NKAIN2: variants seen among roughly 807,000 people sequenced by gnomAD.
The protein encoded by NKAIN2 is sodium/potassium-transporting ATPase subunit beta-1-interacting protein 2.
A neutral mutation model predicts 32.6 loss-of-function variants in NKAIN2; 14 were observed. That is an observed-to-expected ratio of 0.43 (90% CI 0.28 to 0.67). The LOEUF is 0.67. NKAIN2 is among the 30% of genes least tolerant of loss of function. The pLI is 0.17. For missense variants in NKAIN2, 198 were observed against 258.3 expected (o/e 0.77, Z 1.60); for synonymous variants, 80 against 87.2 (o/e 0.92, Z 0.46).
At chr6:124,141,471 G>A (rs539998159) in intron 1 of NKAIN2, among the ~76,000 whole-genome samples, 31 of 151,758 alleles carry the variant, frequency 2.0e-4, no homozygotes, top group Non-Finnish European at 3.5e-4. Context: ...ATAGGTCTGC[G>A]TTTTTCCTCT....
chr6:124,099,530 T>C (rs952969007), intron 1 of NKAIN2, among the ~76,000 whole-genome samples: 2 of 152,212 alleles, frequency 1.3e-5, no homozygotes, highest in Non-Finnish European at 2.9e-5. Flanking sequence ...CTTTGCACTT[T>C]TTATTTTTGA....
chr6:124,490,416 T>TC (rs1562217641), intron 3 of NKAIN2: 1 of 410,930 alleles, frequency 2.4e-6, no homozygotes, highest in South Asian at 1.8e-5. Flanking sequence ...ATAGAGGTTT[T>TC]TTTTTTTTTT....
intron 3 of NKAIN2, among the ~76,000 whole-genome samples, chr6:124,551,737 G>A (rs539382207): frequency 4.9e-4 from 74 of 152,130 alleles, no homozygotes; most frequent in Non-Finnish European, 9.8e-4. Context: ...CCCAATCAAG[G>A]TCAGATAAAT....
chr6:124,351,230 A>G (rs190970236), intron 2 of NKAIN2, among the ~76,000 whole-genome samples: 12 of 152,314 alleles, frequency 7.9e-5, no homozygotes, highest in African/African-American at 1.4e-4. Flanking sequence ...TGCAAGTTCA[A>G]TATGATGGAA....
chr6:124,753,878 C>T (rs185214782), intron 4 of NKAIN2, among the ~76,000 whole-genome samples: 43 of 152,128 alleles, frequency 2.8e-4, no homozygotes, highest in Admixed American at 2.6e-3. Context: ...AAAATTGTCC[C>T]AATGGAAGGA....
intron 1 of NKAIN2, among the ~76,000 whole-genome samples, chr6:124,119,605 C>T (rs1785778796): frequency 6.6e-6 from 1 of 152,156 alleles, no homozygotes; most frequent in Admixed American, 6.5e-5. Context: ...TTGCTTTGTC[C>T]TGTGAAACAT....
At chr6:124,638,065 C>T (rs983246725) in intron 3 of NKAIN2, among the ~76,000 whole-genome samples, 1 of 152,130 alleles carries the variant, frequency 6.6e-6, no homozygotes, top group Non-Finnish European at 1.5e-5. Flanking sequence ...AGAACTGGCA[C>T]ATAGACCAGT....
chr6:124,031,669 C>T (rs902425639), intron 1 of NKAIN2, among the ~76,000 whole-genome samples: 1 of 151,980 alleles, frequency 6.6e-6, no homozygotes, highest in African/African-American at 2.4e-5. Flanking sequence ...TGTTATGTAC[C>T]CAGTAGTCAT....
chr6:124,156,030 G>C (rs1396498713), intron 1 of NKAIN2, among the ~76,000 whole-genome samples: 1 of 151,926 alleles, frequency 6.6e-6, no homozygotes, highest in African/African-American at 2.4e-5. Context: ...TGGTGGGTAA[G>C]TGCAGTGAAG....
At chr6:124,244,765 C>T (rs1793303980) in intron 1 of NKAIN2, among the ~76,000 whole-genome samples, 1 of 151,882 alleles carries the variant, frequency 6.6e-6, no homozygotes, top group Admixed American at 6.6e-5. Context: ...TTACAGGATA[C>T]TTAACTCTAA....
At chr6:124,698,973 C>T (rs1774633704) in intron 4 of NKAIN2, among the ~76,000 whole-genome samples, 1 of 152,186 alleles carries the variant, frequency 6.6e-6, no homozygotes, top group African/African-American at 2.4e-5. Context: ...CTAGCAATTC[C>T]ACTCATTAAC....
chr6:124,094,442 T>C (rs1784566195), intron 1 of NKAIN2, among the ~76,000 whole-genome samples: 1 of 152,170 alleles, frequency 6.6e-6, no homozygotes, highest in South Asian at 2.1e-4. Context: ...ATTGTGTCTT[T>C]GCATTTGTTC....
intron 4 of NKAIN2, among the ~76,000 whole-genome samples, chr6:124,778,599 A>T (rs964269588): frequency 6.6e-6 from 1 of 152,006 alleles, no homozygotes; most frequent in Non-Finnish European, 1.5e-5. Context: ...ATATAGAGAA[A>T]ATTCGAGCTC....
At chr6:124,064,413 G>A (rs1254829011) in intron 1 of NKAIN2, among the ~76,000 whole-genome samples, 1 of 151,776 alleles carries the variant, frequency 6.6e-6, no homozygotes, top group Admixed American at 6.6e-5. Flanking sequence ...TTGTATTCTG[G>A]CTGGCAAGTC....
intron 4 of NKAIN2, among the ~76,000 whole-genome samples, chr6:124,667,834 CTT>C (rs1225557929): frequency 1.3e-5 from 2 of 152,098 alleles, no homozygotes; most frequent in African/African-American, 4.8e-5. Context: ...GGCAGACACA[CTT>C]AAGCTAAATA....
chr6:124,265,790 C>T (rs535891198), intron 1 of NKAIN2, among the ~76,000 whole-genome samples: 5 of 152,280 alleles, frequency 3.3e-5, no homozygotes, highest in South Asian at 4.1e-4. Context: ...AAATGGAAAG[C>T]GGCAAAACAG....
intron 1 of NKAIN2, among the ~76,000 whole-genome samples, chr6:123,881,437 C>A (rs551746348): frequency 6.6e-6 from 1 of 152,188 alleles, no homozygotes; most frequent in Admixed American, 6.5e-5. Flanking sequence ...GAAGGACAAG[C>A]AATACAGTAT....
chr6:124,051,475 G>T (rs1782395111), intron 1 of NKAIN2, among the ~76,000 whole-genome samples: 2 of 151,814 alleles, frequency 1.3e-5, no homozygotes, highest in South Asian at 4.2e-4. Flanking sequence ...TACACAACGT[G>T]CAGGTTTGTT....
At chr6:124,462,296 A>G (rs111710302) in intron 3 of NKAIN2, among the ~76,000 whole-genome samples, 2 of 151,954 alleles carry the variant, frequency 1.3e-5, no homozygotes, top group African/African-American at 4.8e-5. Context: ...CAGTCTTTTC[A>G]GTCATTAGAG....
Sources: gnomAD v4.1 joint callset for allele counts (sites outside exome capture counted in the v4.1 genomes callset) on GRCh38, gnomAD v4.1.1 for gene constraint, MANE v1.5 for transcripts, NCBI Gene and HGNC (gene_info 2026-07-23, HGNC 2026-07-21) for gene names.